PGM2: variants seen among roughly 807,000 people sequenced by gnomAD.
PGM2 encodes the protein phosphopentomutase.
A neutral mutation model predicts 74.6 loss-of-function variants in PGM2; 57 were observed. The observed-to-expected ratio is 0.76, with a 90% CI of 0.62 to 0.95. The LOEUF is 0.95. Among genes scored for constraint, PGM2 ranks in the 40% least tolerant of loss-of-function variants. The pLI, the probability that PGM2 is intolerant of heterozygous loss-of-function variation, is 0.00. For missense variants in PGM2, 706 were observed against 741.9 expected (o/e 0.95, Z 0.56); for synonymous variants, 273 against 260.7 (o/e 1.05, Z -0.46).
chr4:37,831,042 A>G (rs1725428468), intron 2 of PGM2, among the ~76,000 whole-genome samples: 1 of 151,948 alleles, frequency 6.6e-6, no homozygotes, highest in Non-Finnish European at 1.5e-5. Flanking sequence ...AAAAATACAA[A>G]AATTAGCCAG....
At chr4:37,832,418 G>T (rs1725464025) in intron 2 of PGM2, among the ~76,000 whole-genome samples, 1 of 152,200 alleles carries the variant, frequency 6.6e-6, no homozygotes, top group Non-Finnish European at 1.5e-5. Flanking sequence ...TTTCATGGTG[G>T]CATAGGTGCC....
chr4:37,856,799 T>A (rs186064340), intron 13 of PGM2, among the ~76,000 whole-genome samples: 2 of 152,322 alleles, frequency 1.3e-5, no homozygotes, highest in Admixed American at 6.5e-5. Context: ...GATGCAATTT[T>A]GATTTTCTAC....
At position 37,848,570 on chromosome 4, in the gene PGM2, C is replaced by T; in HGVS notation, c.1331C>T (p.Ala444Val). The change falls in exon 11 of 14, where the codon GCT (alanine) becomes GTT (valine). Residue 444 changes from alanine (A) to valine (V), a missense_variant. By Grantham distance (64) the Ala-to-Val change is moderately conservative. Around this residue, in one of 3 missense-constraint regions of PGM2, gnomAD observed 359 missense variants for 371.1 expected, o/e 0.97. Coordinates refer to ENST00000381967, the MANE Select transcript of PGM2 (RefSeq NM_018290.4). ...FVLDKDGVSA[A>V]VISAELASFL... ...CTGGACAAAGATGGAGTCAGTGCCG[C>T]TGTCATAAGTGCAGAGTTGGCTAGC... The T allele has an allele frequency of 6.2e-7, 1 of 1,613,590 alleles. No homozygotes were observed. Among genetic ancestry groups the T allele is most frequent in the Non-Finnish European group, 8.5e-7 (1 of 1,179,488 alleles).
intron 13 of PGM2, among the ~76,000 whole-genome samples, chr4:37,859,120 C>T (rs1711670637): frequency 6.6e-6 from 1 of 152,160 alleles, no homozygotes; most frequent in African/African-American, 2.4e-5. Flanking sequence ...CAATTGCTAA[C>T]ATTTTGCAAT....
At chr4:37,854,307 A>G (rs1313385165) in intron 12 of PGM2, among the ~76,000 whole-genome samples, 1 of 152,104 alleles carries the variant, frequency 6.6e-6, no homozygotes. Context: ...CAGTAAATTT[A>G]TATGGCATTT....
Position 37,830,151 on chromosome 4 carries a change from T to A in PGM2, c.249+20T>A. On this transcript the variant is annotated intron_variant, in intron 2 of 13. Coordinates refer to ENST00000381967, the MANE Select transcript of PGM2 (RefSeq NM_018290.4). ...ACACAGGTACCATGTTTTTTATAAT[T>A]CTTAGTAACTCAATGTATCCCCTAG... 1.4e-6 allele frequency: 2 copies of A among 1,469,812 alleles called. No individual in the cohort carries two copies. The highest frequency in any genetic ancestry group is 2.8e-5 in the South Asian group (2 of 72,644). 91.0% of individuals were successfully genotyped at this position (1,469,812 alleles called of 1,614,324 possible). A position where few individuals can be genotyped will look rare whatever the true frequency, so the allele number is the denominator to read the frequency against.
chr4:37,844,889 A>G (rs1207083402), intron 7 of PGM2, among the ~76,000 whole-genome samples: 1 of 151,106 alleles, frequency 6.6e-6, no homozygotes, highest in Admixed American at 6.6e-5. Flanking sequence ...AATTGTTTGA[A>G]CCTGAGAGAT....
In PGM2 at chr4:37,826,753, C is replaced by A. The variant is rs1577669678; in HGVS notation, c.21C>A (p.Ser7Arg). The A allele has an allele frequency of 1.3e-6, 2 of 1,549,666 alleles. No individual in the cohort carries two copies. ...CAGCGATGGCGGCTCCAGAAGGCAG[C>A]GGTCTAGGCGAGGACGCCCGGCTGG... Reference protein sequence around the residue: MAAPEGSGLGEDARLDQ... With the variant: MAAPEGRGLGEDARLDQ... The change falls in exon 1 of 14, where the codon AGC becomes AGA. Residue 7 changes from serine (S) to arginine (R), a missense_variant. By Grantham distance (110) the Ser-to-Arg change is moderately radical. This residue lies in a region of PGM2 where 332 missense variants were observed against 334.9 expected (regional missense o/e 0.99). Transcript: ENST00000381967.
chr4:37,841,100 A>ATATATATATATGTGTGTG (rs1202149456), intron 6 of PGM2, among the ~76,000 whole-genome samples: 1 of 115,786 alleles, frequency 8.6e-6, no homozygotes, highest in African/African-American at 3.6e-5. Flanking sequence ...ATATATATAT[A>ATATATATATATGTGTGTG]TGTGTGTGTG....
chr4:37,829,958 T>G lies in PGM2; in HGVS notation c.82-6T>G. ...CTGGCTGTGTCTATACATTTTTGTT[T>G]TTCAGAATTCCTTAACTTTGGAGGC... On this transcript the variant is annotated splice_polypyrimidine_tract_variant and splice_region_variant and intron_variant, in intron 1 of 13. Coordinates refer to ENST00000381967, the MANE Select transcript of PGM2 (RefSeq NM_018290.4). 6.3e-7 allele frequency: 1 copy of G among 1,577,520 alleles called. No homozygotes were observed. Among genetic ancestry groups the G allele is most frequent in the East Asian group, 2.3e-5 (1 of 44,254 alleles).
In PGM2 at chr4:37,862,074, A is replaced by G. The variant is rs1166383270; in HGVS notation, c.*462A>G. ...TTCTATCAATTCCTTAGAAAGTAAA[A>G]TAAATGAATAGATCAAATGTTGTGT... is the stretch of plus-strand genomic sequence containing the variant. On this transcript the variant is annotated 3_prime_UTR_variant, in exon 14 of 14. Coordinates refer to ENST00000381967, the MANE Select transcript of PGM2 (RefSeq NM_018290.4). 1.3e-5 allele frequency: 2 copies of G among 153,628 alleles called. No homozygotes were observed. Among genetic ancestry groups the G allele is most frequent in the Non-Finnish European group, 2.9e-5 (2 of 68,888 alleles). The allele number at this position is 153,628 out of a possible 1,614,324, so 9.5% of individuals were successfully genotyped here.
At chr4:37,861,063 AG>A in intron 13 of PGM2, among the ~76,000 whole-genome samples, 1 of 152,164 alleles carries the variant, frequency 6.6e-6, no homozygotes, top group Non-Finnish European at 1.5e-5. Flanking sequence ...CAGTAGTTTG[AG>A]GGCAGACATC....
At chr4:37,851,850 G>A (rs1414218591) in intron 12 of PGM2, among the ~76,000 whole-genome samples, 4 of 152,102 alleles carry the variant, frequency 2.6e-5, no homozygotes, top group East Asian at 1.9e-4. Flanking sequence ...ATCAGATTCC[G>A]TGCTTTTGTT....
At chr4:37,826,847 G>A (rs951057991) in intron 1 of PGM2, 34 bp downstream of exon 1, 2 of 1,403,836 alleles carry the variant, frequency 1.4e-6, no homozygotes, top group Non-Finnish European at 2.0e-6. Flanking sequence ...AGCGCCTGGA[G>A]CGGGGCCGGG....
chr4:37,842,687 T>G (rs6830532), intron 6 of PGM2, among the ~76,000 whole-genome samples: 12,429 of 151,684 alleles, frequency 0.082, 974 homozygotes, highest in East Asian at 0.18. Flanking sequence ...TTGAGACAGG[T>G]TCTCACATTG....
Position 37,855,659 on chromosome 4 carries a change from G to C in PGM2, c.1654G>C (p.Gly552Arg), listed in dbSNP as rs1726173234. Reference protein sequence around the residue: ...SQMITFTFANGGVATMRTSGT... With the variant: ...SQMITFTFANRGVATMRTSGT... Reference sequence around the variant, plus strand: ...AATGATCACCTTCACCTTTGCTAATGGAGGCGTGGCCACCATGCGCACCAG... The same window carrying C: ...AATGATCACCTTCACCTTTGCTAATCGAGGCGTGGCCACCATGCGCACCAG... The change falls in exon 13 of 14, where the codon GGA becomes CGA. Residue 552 changes from glycine to arginine, a missense_variant. Gly to Arg is a moderately radical substitution (Grantham distance 125, BLOSUM62 -2). Coordinates refer to ENST00000381967, the MANE Select transcript of PGM2 (RefSeq NM_018290.4). The C allele has an allele frequency of 6.2e-7, 1 of 1,613,982 alleles. No homozygotes were observed.
At chr4:37,831,009 C>T (rs563936305) in intron 2 of PGM2, among the ~76,000 whole-genome samples, 1 of 152,128 alleles carries the variant, frequency 6.6e-6, no homozygotes, top group East Asian at 1.9e-4. Flanking sequence ...GCCTGAGCAA[C>T]ATGGTGAAAC....
intron 13 of PGM2, among the ~76,000 whole-genome samples, chr4:37,861,002 A>AT (rs1312636229): frequency 6.6e-6 from 1 of 152,092 alleles, no homozygotes; most frequent in Non-Finnish European, 1.5e-5. Context: ...GAGGCTCCCT[A>AT]TTGCTGTTCA....
intron 6 of PGM2, among the ~76,000 whole-genome samples, chr4:37,841,600 C>A (rs934571084): frequency 6.6e-6 from 1 of 152,200 alleles, no homozygotes; most frequent in Non-Finnish European, 1.5e-5. Flanking sequence ...CATCTGAGTT[C>A]TCCTCTTCCC....
Sources: gnomAD v4.1 joint callset for allele counts (sites outside exome capture counted in the v4.1 genomes callset) on GRCh38, gnomAD v4.1.1 for gene constraint, gnomAD v4.1.1 regional missense constraint, MANE v1.5 for transcripts, NCBI Gene and HGNC (gene_info 2026-07-23, HGNC 2026-07-21) for gene names.